The following HTRA3 variants were observed in gnomAD, a reference collection of about 807,000 sequenced individuals.
HTRA3 encodes HtrA serine peptidase 3.
HTRA3 carries 41 observed loss-of-function variants against 43.2 expected under a neutral mutation model. The observed-to-expected ratio is 0.95, with a 90% CI of 0.74 to 1.23. HTRA3 has a LOEUF of 1.23. Ranked by LOEUF, HTRA3 falls within the 50% of genes most tolerant of loss-of-function variation. HTRA3 has a pLI of 0.00. For missense variants in HTRA3, 628 were observed against 647.1 expected (o/e 0.97, Z 0.32); for synonymous variants, 295 against 287.9 (o/e 1.02, Z -0.25).
intron 1 of HTRA3, among the ~76,000 whole-genome samples, chr4:8,278,937 A>G (rs905829693): frequency 1.3e-5 from 2 of 152,170 alleles, no homozygotes; most frequent in Admixed American, 6.5e-5. Flanking sequence ...CTCAGAGAGC[A>G]TCAAGAAGGG....
intron 3 of HTRA3, among the ~76,000 whole-genome samples, chr4:8,287,884 G>T (rs1057055271): frequency 2.0e-4 from 30 of 152,252 alleles, no homozygotes; most frequent in African/African-American, 7.2e-4. Flanking sequence ...TTCTTGTCTT[G>T]CCCAATGCCA....
intron 1 of HTRA3, among the ~76,000 whole-genome samples, chr4:8,274,247 C>T (rs1712427719): frequency 1.3e-5 from 2 of 152,228 alleles, no homozygotes. Flanking sequence ...GCCCACTGCC[C>T]GGCGTTTCCT....
At position 8,270,087 on chromosome 4, in the gene HTRA3, C is replaced by G; in HGVS notation, c.119C>G (p.Pro40Arg). 1 of 1,529,906 alleles carries G rather than the reference C, an allele frequency of 6.5e-7. No homozygotes were observed. Among genetic ancestry groups the G allele is most frequent in the East Asian group, 2.7e-5 (1 of 36,972 alleles). 94.8% of individuals were successfully genotyped at this position (1,529,906 alleles called of 1,614,324 possible). The change falls in exon 1 of 9, where the codon CCC (proline) becomes CGC (arginine). Residue 40 changes from proline (P) to arginine (R), a missense_variant. Pro to Arg is a moderately radical substitution (Grantham distance 103, BLOSUM62 -2). Transcript: ENST00000307358. ...DVSRCPSPRC[P>R]GGYVPDLCNC... Reference sequence around the variant, plus strand: ...TCGCGGTGTCCCAGCCCCCGCTGCCCCGGCGGCTACGTGCCCGACCTCTGC... The same window carrying G: ...TCGCGGTGTCCCAGCCCCCGCTGCCGCGGCGGCTACGTGCCCGACCTCTGC...
chr4:8,296,553 G>A lies in HTRA3; in HGVS notation c.1051+2352G>A, dbSNP rs1037225670. 42 of 984,256 alleles carry A rather than the reference G, an allele frequency of 4.3e-5. No individual in the cohort carries two copies. The highest frequency in any genetic ancestry group is 5.2e-4 in the Middle Eastern group (1 of 1,934). 61.0% of individuals were successfully genotyped at this position (984,256 alleles called of 1,614,324 possible). A position where few individuals can be genotyped will look rare whatever the true frequency, so the allele number is the denominator to read the frequency against. On this transcript the variant is annotated intron_variant, in intron 6 of 8. Coordinates refer to ENST00000307358, the MANE Select transcript of HTRA3 (RefSeq NM_053044.5). The surrounding 1 kb of genome is among the most constrained non-coding windows in gnomAD (Gnocchi z 5.3). ...GATGTTAAGTGCATTTATTATTCTC[G>A]TCTGGAGGTGGGGTGCAGAGGCCTC...
In HTRA3 at chr4:8,269,902, G is replaced by A; in HGVS notation, c.-67G>A. 2 of 785,910 alleles carry A rather than the reference G, an allele frequency of 2.5e-6. No homozygotes were observed. The highest frequency in any genetic ancestry group is 3.1e-6 in the Non-Finnish European group (2 of 643,500). 48.7% of individuals were successfully genotyped at this position (785,910 alleles called of 1,614,324 possible). ...GGCGCCCGGCGCCCGGCCCCGCAGC[G>A]GCCTCGTTGTCCCCGCCGGCCCCCG... On this transcript the variant is annotated 5_prime_UTR_variant, in exon 1 of 9. Transcript: ENST00000307358.
chr4:8,293,418 G>A (rs1578802327), intron 5 of HTRA3, among the ~76,000 whole-genome samples: 2 of 152,282 alleles, frequency 1.3e-5, no homozygotes, highest in South Asian at 2.1e-4. Context: ...AGGACAAAGG[G>A]TGCCTTGACC....
chr4:8,275,880 C>T (rs1246014206), intron 1 of HTRA3, among the ~76,000 whole-genome samples: 2 of 152,272 alleles, frequency 1.3e-5, no homozygotes, highest in African/African-American at 4.8e-5. Flanking sequence ...CCCAGGTCCC[C>T]TGGTTCCCCA....
chr4:8,270,361 C>T lies in HTRA3; in HGVS notation c.385+8C>T, dbSNP rs1431319080. On this transcript the variant is annotated splice_region_variant and intron_variant, in intron 1 of 8. Transcript: ENST00000307358. ...AGGGCGCCTGCCCGTTGGGTAAGCG[C>T]TCGGGGGCCAGGGAGGAAGTGAAGC... 4 of 1,397,554 alleles carry T rather than the reference C, an allele frequency of 2.9e-6. No homozygotes were observed. The highest frequency in any genetic ancestry group is 3.7e-6 in the Non-Finnish European group (4 of 1,082,080). The allele number at this position is 1,397,554 out of a possible 1,614,324, so 86.6% of individuals were successfully genotyped here. A position where few individuals can be genotyped will look rare whatever the true frequency, so the allele number is the denominator to read the frequency against.
At chr4:8,302,988 C>G (rs1713718549) in intron 7 of HTRA3, among the ~76,000 whole-genome samples, 1 of 152,186 alleles carries the variant, frequency 6.6e-6, no homozygotes, top group African/African-American at 2.4e-5. Flanking sequence ...TATCTGTGTG[C>G]ACATCTCTCT....
chr4:8,306,545 G>T lies in HTRA3; in HGVS notation c.*409G>T, dbSNP rs531383773. On this transcript the variant is annotated 3_prime_UTR_variant, in exon 9 of 9. Transcript: ENST00000307358. This position sits in a 1 kb window ranked among gnomAD's most constrained non-coding sequence, Gnocchi z 8.9. ...CCAAGCTTCTTCCCCCCTGACAAACGCCCACCTGACCTGAGGCCCCAGCTT... is the reference window on the plus strand; with the variant it reads ...CCAAGCTTCTTCCCCCCTGACAAACTCCCACCTGACCTGAGGCCCCAGCTT... The T allele has an allele frequency of 1.2e-5, 2 of 172,564 alleles. No individual in the cohort carries two copies. Among genetic ancestry groups the T allele is most frequent in the African/African-American group, 4.8e-5 (2 of 41,626 alleles). 10.7% of individuals were successfully genotyped at this position (172,564 alleles called of 1,614,324 possible). A position where few individuals can be genotyped will look rare whatever the true frequency, so the allele number is the denominator to read the frequency against.
chr4:8,276,148 C>T (rs1712514823), intron 1 of HTRA3, among the ~76,000 whole-genome samples: 1 of 152,234 alleles, frequency 6.6e-6, no homozygotes, highest in African/African-American at 2.4e-5. Flanking sequence ...TACCCTGCTC[C>T]AGCACATAAT....
chr4:8,281,975 G>C (rs1712764119), intron 1 of HTRA3, among the ~76,000 whole-genome samples: 1 of 152,208 alleles, frequency 6.6e-6, no homozygotes, highest in African/African-American at 2.4e-5. Flanking sequence ...GGACACTGCT[G>C]TAGCCCCAGG....
intron 8 of HTRA3, among the ~76,000 whole-genome samples, chr4:8,304,635 A>C (rs958264801): frequency 2.2e-5 from 3 of 135,966 alleles, no homozygotes; most frequent in Non-Finnish European, 4.6e-5. Flanking sequence ...GAGATAATTC[A>C]GCCTATTGTT....
rs750924186 is a variant in HTRA3, at chr4:8,291,453, C to T, written c.792C>T (p.Ala264=). ...TGGTGGCCATCGGCAGTCCCTTCGC[C>T]CTACAGAACACAGTGACAACGGGCA... The part of the protein sequence containing the change: ...EFVVAIGSPF[A]LQNTVTTGIV... Residue 264 remains alanine (A), a synonymous_variant, in exon 4 of 9, where the codon GCC becomes GCT. Coordinates refer to ENST00000307358, the MANE Select transcript of HTRA3 (RefSeq NM_053044.5). The T allele has an allele frequency of 1.1e-5, 18 of 1,613,070 alleles. No homozygotes were observed. The Admixed American group carries it at 1.8e-4, about 16-fold the overall frequency.
Position 8,295,826 on chromosome 4 carries a change from C to A in HTRA3, c.1051+1625C>A, listed in dbSNP as rs1713433640. The A allele has an allele frequency of 4.0e-6, 5 of 1,241,720 alleles. No individual in the cohort carries two copies. The highest frequency in any genetic ancestry group is 5.0e-6 in the Non-Finnish European group (5 of 991,558). The allele number at this position is 1,241,720 out of a possible 1,614,324, so 76.9% of individuals were successfully genotyped here. A position where few individuals can be genotyped will look rare whatever the true frequency, so the allele number is the denominator to read the frequency against. On this transcript the variant is annotated intron_variant, in intron 6 of 8. Coordinates refer to ENST00000307358, the MANE Select transcript of HTRA3 (RefSeq NM_053044.5). This position sits in a 1 kb window ranked among gnomAD's most constrained non-coding sequence, Gnocchi z 6.9. ...CCATGAGGGCTGGTCACATGAAGAG[C>A]TGCTGTTGAGGATGCCGCCATTGTT...
intron 8 of HTRA3, 122 bp downstream of exon 8, chr4:8,304,401 G>A (rs1578809725): frequency 2.8e-6 from 2 of 707,550 alleles, no homozygotes; most frequent in South Asian, 3.5e-5. Context: ...AGGGGCAGGT[G>A]GATTCTAGCG....
Position 8,270,043 on chromosome 4 carries a change from T to C in HTRA3, c.75T>C (p.Cys25=). Reference sequence around the variant, plus strand: ...CCCGGGAGCCCCCTGCGGCGCCGTGTCCCGCGCGCTGCGACGTGTCGCGGT... The same window carrying C: ...CCCGGGAGCCCCCTGCGGCGCCGTGCCCCGCGCGCTGCGACGTGTCGCGGT... The part of the protein sequence containing the change: ...ALAREPPAAP[C]PARCDVSRCP... Residue 25 remains cysteine, a synonymous_variant, in exon 1 of 9, where the codon TGT becomes TGC. Transcript: ENST00000307358. 7 of 1,430,314 alleles carry C rather than the reference T, an allele frequency of 4.9e-6. No homozygotes were observed. The highest frequency in any genetic ancestry group is 6.4e-6 in the Non-Finnish European group (7 of 1,097,630). The allele number at this position is 1,430,314 out of a possible 1,614,324, so 88.6% of individuals were successfully genotyped here.
At chr4:8,288,922 C>T (rs1434626785) in intron 3 of HTRA3, among the ~76,000 whole-genome samples, 1 of 147,916 alleles carries the variant, frequency 6.8e-6, no homozygotes, top group Non-Finnish European at 1.5e-5. Context: ...TCCTTCCTTC[C>T]TTCCTTCCTT....
intron 1 of HTRA3, among the ~76,000 whole-genome samples, chr4:8,280,532 C>T (rs971208317): frequency 9.2e-5 from 14 of 152,296 alleles, no homozygotes; most frequent in African/African-American, 3.4e-4. Flanking sequence ...CCACTCGGGC[C>T]GCACGGCAGC....
Sources: gnomAD v4.1 joint callset for allele counts (sites outside exome capture counted in the v4.1 genomes callset) on GRCh38, gnomAD v4.1.1 for gene constraint, Gnocchi (gnomAD v3.1) non-coding constraint, MANE v1.5 for transcripts, NCBI Gene and HGNC (gene_info 2026-07-23, HGNC 2026-07-21) for gene names.